The following ACKR5 variants were observed in gnomAD, a reference collection of about 807,000 sequenced individuals.
The protein encoded by ACKR5 is G protein-coupled receptor 182.
At chr12:56,996,281 C>T in the ACKR5 span, 47 of 1,614,098 alleles carry the variant, frequency 2.9e-5, no homozygotes, top group Non-Finnish European at 3.9e-5. Flanking sequence ...CTGTTCCACC[C>T]AGCATTCCAT....
the ACKR5 span, chr12:56,997,776 G>C: frequency 6.6e-6 from 1 of 152,204 alleles, no homozygotes; most frequent in Admixed American, 6.5e-5. Context: ...GTTTAACTTG[G>C]AGTAACTACT....
the ACKR5 span, chr12:56,998,356 A>G: frequency 6.6e-6 from 1 of 152,248 alleles, no homozygotes; most frequent in Non-Finnish European, 1.5e-5. Flanking sequence ...GTGGGGCCAA[A>G]TGGACATCAC....
chr12:56,995,358 G>A, the ACKR5 span: 61 of 1,614,110 alleles, frequency 3.8e-5, no homozygotes, highest in African/African-American at 8.0e-4. The surrounding 1 kb of genome is among the most constrained non-coding windows in gnomAD (Gnocchi z 4.7). Flanking sequence ...CTCAGCCAGA[G>A]CACCAAGCGC....
the ACKR5 span, chr12:56,996,264 C>T: frequency 1.2e-6 from 2 of 1,614,216 alleles, no homozygotes; most frequent in East Asian, 4.5e-5. Flanking sequence ...TGCGCCTCCT[C>T]TTCCTCCTGT....
At chr12:56,997,511 G>C in the ACKR5 span, 3 of 152,200 alleles carry the variant, frequency 2.0e-5, no homozygotes, top group Non-Finnish European at 4.4e-5. Flanking sequence ...CTTAACACTT[G>C]TTCTACAGAT....
chr12:56,995,721 G>A, the ACKR5 span: 159 of 1,613,594 alleles, frequency 9.9e-5, no homozygotes, highest in Non-Finnish European at 1.3e-4. This position sits in a 1 kb window ranked among gnomAD's most constrained non-coding sequence, Gnocchi z 4.7. Context: ...CGAGTGCGGC[G>A]GGCCATGTGT....
chr12:56,997,149 G>C, the ACKR5 span: 1 of 152,370 alleles, frequency 6.6e-6, no homozygotes, highest in South Asian at 2.1e-4. Flanking sequence ...AGCAAGAGGA[G>C]TTGTCCCAGA....
chr12:56,995,766 T>G, the ACKR5 span: 1 of 1,614,000 alleles, frequency 6.2e-7, no homozygotes, highest in African/African-American at 1.3e-5. This position sits in a 1 kb window ranked among gnomAD's most constrained non-coding sequence, Gnocchi z 4.7. Flanking sequence ...ATCATCCCGC[T>G]GCCTGAGGTG....
chr12:56,995,660 C>T, the ACKR5 span: 20 of 1,613,972 alleles, frequency 1.2e-5, no homozygotes, highest in Admixed American at 5.0e-5. The surrounding 1 kb of genome is among the most constrained non-coding windows in gnomAD (Gnocchi z 4.7). Context: ...CAGTGTCGAC[C>T]GCTATGTCAC....
the ACKR5 span, chr12:56,997,186 C>T: frequency 6.6e-6 from 1 of 152,286 alleles, no homozygotes; most frequent in Non-Finnish European, 1.5e-5. Context: ...TGACCTCTTA[C>T]CAGCTTCGGA....
chr12:56,995,074 C>G, the ACKR5 span: 1 of 737,386 alleles, frequency 1.4e-6, no homozygotes, highest in Non-Finnish European at 2.3e-6. This position sits in a 1 kb window ranked among gnomAD's most constrained non-coding sequence, Gnocchi z 4.7. Flanking sequence ...CTAAACTTCC[C>G]TTTCTTGCCT....
chr12:56,995,248 G>C, the ACKR5 span: 3 of 1,613,918 alleles, frequency 1.9e-6, no homozygotes, highest in Non-Finnish European at 2.5e-6. This position sits in a 1 kb window ranked among gnomAD's most constrained non-coding sequence, Gnocchi z 4.7. Flanking sequence ...GCCCCTCGGA[G>C]GGGGTCACCG....
At chr12:56,995,259 C>T in the ACKR5 span, 1 of 1,613,738 alleles carries the variant, frequency 6.2e-7, no homozygotes, top group South Asian at 1.1e-5. This position sits in a 1 kb window ranked among gnomAD's most constrained non-coding sequence, Gnocchi z 4.7. Flanking sequence ...GGGGTCACCG[C>T]AGTGCCTACC....
the ACKR5 span, chr12:56,995,988 T>C: frequency 6.2e-7 from 1 of 1,610,858 alleles, no homozygotes; most frequent in Non-Finnish European, 8.5e-7. The surrounding 1 kb of genome is among the most constrained non-coding windows in gnomAD (Gnocchi z 4.7). Context: ...TGCCTGCTGC[T>C]GTGCGCCTAC....
chr12:56,995,331 C>T, the ACKR5 span: 1 of 1,614,220 alleles, frequency 6.2e-7, no homozygotes. The surrounding 1 kb of genome is among the most constrained non-coding windows in gnomAD (Gnocchi z 4.7). Flanking sequence ...CACACTTTGT[C>T]TGAGTGCCAC....
chr12:56,995,133 C>T, the ACKR5 span: 1 of 1,402,536 alleles, frequency 7.1e-7, no homozygotes, highest in South Asian at 1.3e-5. This position sits in a 1 kb window ranked among gnomAD's most constrained non-coding sequence, Gnocchi z 4.7. Context: ...TGGCCTCTAC[C>T]TTGAGGACAC....
At chr12:56,995,222 C>A in the ACKR5 span, 1 of 1,612,842 alleles carries the variant, frequency 6.2e-7, no homozygotes. The surrounding 1 kb of genome is among the most constrained non-coding windows in gnomAD (Gnocchi z 4.7). Flanking sequence ...GTCAGTGAAA[C>A]CCAGCTGGGG....
chr12:56,995,961 C>A, the ACKR5 span: 1 of 1,611,862 alleles, frequency 6.2e-7, no homozygotes, highest in African/African-American at 1.3e-5. This position sits in a 1 kb window ranked among gnomAD's most constrained non-coding sequence, Gnocchi z 4.7. Context: ...CCAGGACAAC[C>A]CAAGAGCCGG....
At chr12:56,995,476 C>G in the ACKR5 span, 1 of 1,614,200 alleles carries the variant, frequency 6.2e-7, no homozygotes, top group Non-Finnish European at 8.5e-7. This position sits in a 1 kb window ranked among gnomAD's most constrained non-coding sequence, Gnocchi z 4.7. Context: ...GGCTGATGAA[C>G]CTCTACATCC....
Sources: gnomAD v4.1 joint callset for allele counts on GRCh38, gnomAD v4.1.1 for gene constraint, Gnocchi (gnomAD v3.1) non-coding constraint, MANE v1.5 for transcripts, NCBI Gene and HGNC (gene_info 2026-07-23, HGNC 2026-07-21) for gene names.